ATP4B: variants seen among roughly 807,000 people sequenced by gnomAD.
ATP4B encodes the protein ATPase H+/K+ transporting subunit beta.
Under a neutral mutation model 35.3 loss-of-function variants are expected in ATP4B, and 27 were observed. That is an observed-to-expected ratio of 0.76 (90% confidence interval 0.56 to 1.05). ATP4B has a LOEUF of 1.05. ATP4B is among the 50% of genes least tolerant of loss of function. The pLI, the probability that ATP4B is intolerant of heterozygous loss-of-function variation, is 0.00. For synonymous variants in ATP4B, 162 were observed against 156.0 expected (o/e 1.04, Z -0.29); for missense variants, 375 against 384.8 (o/e 0.97, Z 0.21).
intron 1 of ATP4B, among the ~76,000 whole-genome samples, chr13:113,656,073 GC>G: frequency 6.6e-6 from 1 of 152,350 alleles, no homozygotes; most frequent in Admixed American, 6.5e-5. Flanking sequence ...TTCTTGTGTG[GC>G]CACAGCAGCT....
intron 5 of ATP4B, among the ~76,000 whole-genome samples, chr13:113,651,074 A>C (rs2049708527): frequency 6.6e-6 from 1 of 151,948 alleles, no homozygotes; most frequent in South Asian, 2.1e-4. Flanking sequence ...GGAGGCTTCG[A>C]GGGAAGTGAG....
intron 5 of ATP4B, among the ~76,000 whole-genome samples, chr13:113,651,085 G>A (rs1302110738): frequency 6.6e-6 from 1 of 152,022 alleles, no homozygotes; most frequent in Non-Finnish European, 1.5e-5. Context: ...GGGAAGTGAG[G>A]TTCCCTCGGA....
At chr13:113,653,894 T>C (rs1458857201) in intron 2 of ATP4B, among the ~76,000 whole-genome samples, 2 of 152,208 alleles carry the variant, frequency 1.3e-5, no homozygotes, top group African/African-American at 4.8e-5. Context: ...CCGTCGACTT[T>C]CCCGATGTGA....
intron 4 of ATP4B, among the ~76,000 whole-genome samples, chr13:113,652,473 C>A (rs2049719745): frequency 6.6e-6 from 1 of 152,212 alleles, no homozygotes; most frequent in Non-Finnish European, 1.5e-5. Context: ...CTCCCCACAC[C>A]CCCTAAGGGG....
At chr13:113,653,586 C>T in intron 2 of ATP4B, 152 bp from the exon 3 acceptor site, 1 of 639,904 alleles carries the variant, frequency 1.6e-6, no homozygotes, top group Non-Finnish European at 2.7e-6. Context: ...GGAAGGACCC[C>T]CAGGACAGCA....
rs528238846 is a variant in ATP4B, at chr13:113,651,872, G to A, written c.556-145C>T. The A allele has an allele frequency of 1.5e-4, 137 of 923,254 alleles. No individual in the cohort carries two copies. In the African/African-American group the frequency reaches 1.9e-3, roughly 13 times the overall value. The allele number at this position is 923,254 out of a possible 1,614,324, so 57.2% of individuals were successfully genotyped here. Reference sequence around the variant, plus strand: ...GAGAAGGGCCCTTGGTCTGGTTTGCGGCTTCCCTTGGAGGAATCCCCATAG... The same window carrying A: ...GAGAAGGGCCCTTGGTCTGGTTTGCAGCTTCCCTTGGAGGAATCCCCATAG... On this transcript the variant is annotated intron_variant, in intron 4 of 6. Coordinates refer to ENST00000335288, the MANE Select transcript of ATP4B (RefSeq NM_000705.4).
At chr13:113,655,246 C>T (rs1566689496) in intron 1 of ATP4B, among the ~76,000 whole-genome samples, 2 of 152,184 alleles carry the variant, frequency 1.3e-5, no homozygotes, top group South Asian at 2.1e-4. Context: ...GAGATGTGGC[C>T]GAGGATGCGC....
intron 1 of ATP4B, among the ~76,000 whole-genome samples, chr13:113,655,182 A>T (rs1435211647): frequency 6.6e-6 from 1 of 152,106 alleles, no homozygotes; most frequent in African/African-American, 2.4e-5. Flanking sequence ...ACATAGGCAG[A>T]ATCCTGCGAC....
chr13:113,652,166 G>T (rs1262567278), intron 4 of ATP4B, among the ~76,000 whole-genome samples: 2 of 152,152 alleles, frequency 1.3e-5, no homozygotes, highest in Non-Finnish European at 2.9e-5. Context: ...GGCTTCTCCA[G>T]CCCCAGCCAT....
At chr13:113,656,816 G>A (rs566967709) in intron 1 of ATP4B, among the ~76,000 whole-genome samples, 84 of 152,250 alleles carry the variant, frequency 5.5e-4, no homozygotes, top group Middle Eastern at 6.8e-3. Context: ...GCAGCCAGGA[G>A]GCGGCACATG....
chr13:113,653,170 T>C, intron 3 of ATP4B, 98 bp from the exon 4 acceptor site: 1 of 1,466,196 alleles, frequency 6.8e-7, no homozygotes, highest in South Asian at 1.3e-5. Context: ...GAGTTTCTCA[T>C]GAAATAGAAA....
Position 113,650,462 on chromosome 13 carries a change from G to A in ATP4B, c.658C>T (p.Pro220Ser). The A allele has an allele frequency of 1.2e-6, 2 of 1,614,090 alleles. No individual in the cohort carries two copies. Among genetic ancestry groups the A allele is most frequent in the Non-Finnish European group, 1.7e-6 (2 of 1,179,970 alleles). Residue 220 changes from proline (P) to serine (S), a missense_variant, in exon 6 of 7, where the codon CCT becomes TCT. Pro to Ser is a moderately conservative substitution (Grantham distance 74). Coordinates refer to ENST00000335288, the MANE Select transcript of ATP4B (RefSeq NM_000705.4). The surrounding 1 kb of genome is among the most constrained non-coding windows in gnomAD (Gnocchi z 5.0). ...TGCAGACTGAAGGTGCCGTTGGGAG[G>A]GTAGTACTTGACCTGCAGCGGCTGG... ...LGQPLQVKYY[P>S]PNGTFSLHYF... is the part of the protein sequence containing the mutation.
chr13:113,653,914 TG>T (rs1369899582), intron 2 of ATP4B, among the ~76,000 whole-genome samples: 11 of 152,244 alleles, frequency 7.2e-5, no homozygotes, highest in African/African-American at 2.4e-4. Flanking sequence ...AACCGTCAAA[TG>T]TGCATCCTTT....
chr13:113,653,460 G>A (rs2049729804), intron 2 of ATP4B, 26 bp from the exon 3 acceptor site: 28 of 1,595,428 alleles, frequency 1.8e-5, no homozygotes, highest in Non-Finnish European at 2.1e-5. Context: ...TTTGTGCTTA[G>A]CGTCTCCAAA....
intron 5 of ATP4B, among the ~76,000 whole-genome samples, chr13:113,651,057 CGA>C (rs578004316): frequency 2.2e-4 from 34 of 152,196 alleles, no homozygotes; most frequent in African/African-American, 7.5e-4. Flanking sequence ...CGGCCCCCAC[CGA>C]GAGTGGAGGC....
At position 113,650,842 on chromosome 13, in the gene ATP4B, G is replaced by T. The variant is rs1417213544; in HGVS notation, c.613-335C>A. Among the ~76,000 whole-genome samples, 1 of 152,142 alleles carries T rather than the reference G, an allele frequency of 6.6e-6. No individual in the cohort carries two copies. Among genetic ancestry groups the T allele is most frequent in the African/African-American group, 2.4e-5 (1 of 41,434 alleles). On this transcript the variant is annotated intron_variant, in intron 5 of 6. Transcript: ENST00000335288. The surrounding 1 kb of genome is among the most constrained non-coding windows in gnomAD (Gnocchi z 5.0). ...ACTGCTCAGTGGCAAGGGCTGGTTT[G>T]CCAAAACTGGGTTACAAGTTGGTGT...
intron 1 of ATP4B, among the ~76,000 whole-genome samples, chr13:113,657,271 C>T (rs918517093): frequency 2.0e-5 from 3 of 152,318 alleles, no homozygotes; most frequent in East Asian, 1.9e-4. Flanking sequence ...CCGGGGACGG[C>T]ACCAGGCCAG....
Position 113,649,385 on chromosome 13 carries a change from T to A in ATP4B, c.865A>T (p.Ile289Phe), listed in dbSNP as rs749568870. 69 of 1,594,518 alleles carry A rather than the reference T, an allele frequency of 4.3e-5. No homozygotes were observed. Among genetic ancestry groups the A allele is most frequent in the Admixed American group, 3.2e-4 (19 of 58,544 alleles). ...YEGKVEFKLKIEK is the reference protein window; with the variant it reads ...YEGKVEFKLKFEK The stretch of plus-strand genomic sequence containing the variant: ...CTGCGCAAACCGTTTCACTTCTCAA[T>A]CTTGAGTTTGAACTCCACTTTCCCT... Residue 289 changes from isoleucine (I) to phenylalanine (F), a missense_variant, in exon 7 of 7, where the codon ATT (isoleucine) becomes TTT (phenylalanine). Transcript: ENST00000335288. The surrounding 1 kb of genome is among the most constrained non-coding windows in gnomAD (Gnocchi z 4.7).
Position 113,651,527 on chromosome 13 carries a change from T to C in ATP4B, c.612+144A>G, listed in dbSNP as rs1238422299. 7.9e-6 allele frequency: 7 copies of C among 882,670 alleles called. No individual in the cohort carries two copies. In the African/African-American group the frequency reaches 1.0e-4, roughly 13 times the overall value. The allele number at this position is 882,670 out of a possible 1,614,324, so 54.7% of individuals were successfully genotyped here. On this transcript the variant is annotated intron_variant, in intron 5 of 6. Transcript: ENST00000335288. ...GCCATGGTGGAGCTCGCTGTGGTGA[T>C]GGTTCGGTGTTTACGTCTGGTTTAC...
Sources: gnomAD v4.1 joint callset for allele counts (sites outside exome capture counted in the v4.1 genomes callset) on GRCh38, gnomAD v4.1.1 for gene constraint, Gnocchi (gnomAD v3.1) non-coding constraint, MANE v1.5 for transcripts, NCBI Gene and HGNC (gene_info 2026-07-23, HGNC 2026-07-21) for gene names.